PEBP4: variants seen among roughly 807,000 people sequenced by gnomAD.
PEBP4 encodes the protein phosphatidylethanolamine-binding protein 4.
Under a neutral mutation model 23.9 loss-of-function variants are expected in PEBP4, and 22 were observed. That is an observed-to-expected ratio of 0.92 (90% CI 0.66 to 1.31). PEBP4 has a LOEUF of 1.31. Ranked by LOEUF, PEBP4 falls within the 40% of genes most tolerant of loss-of-function variation. The probability of loss-of-function intolerance (pLI) is 0.00; values close to 1 mark genes in which losing one functional copy is unlikely to be tolerated. For missense variants in PEBP4, 324 were observed against 281.7 expected (o/e 1.15, Z -1.07); for synonymous variants, 112 against 99.3 (o/e 1.13, Z -0.76).
At chr8:22,818,804 T>C (rs890021365) in intron 3 of PEBP4, among the ~76,000 whole-genome samples, 6 of 151,780 alleles carry the variant, frequency 4.0e-5, no homozygotes, top group Non-Finnish European at 7.4e-5. Context: ...CAGAAACAAA[T>C]AGATGGGTTG....
chr8:22,868,823 C>CTCCT (rs538232759), intron 3 of PEBP4, among the ~76,000 whole-genome samples: 3,225 of 152,134 alleles, frequency 0.021, 60 homozygotes, highest in Admixed American at 0.034. Flanking sequence ...CACACTTAGC[C>CTCCT]TCCTTCCTTC....
chr8:22,816,371 C>A (rs1806740738), intron 4 of PEBP4, among the ~76,000 whole-genome samples: 1 of 152,202 alleles, frequency 6.6e-6, no homozygotes, highest in South Asian at 2.1e-4. Context: ...GGTCACTGGG[C>A]CACCAGCTGG....
At chr8:22,899,528 G>A (rs1808668927) in intron 3 of PEBP4, among the ~76,000 whole-genome samples, 1 of 152,178 alleles carries the variant, frequency 6.6e-6, no homozygotes. Context: ...TTCTTTAGGT[G>A]CACCCTGCTT....
Position 22,713,506 on chromosome 8 carries a change from CG to C in PEBP4, c.547del (p.Arg183ValfsTer14). ...TGCTTCAGGTTCGCCCAGGTGGAAACGGTTCAGAAATCTGTCCATTTTCCAA... is the reference window on the plus strand; with the variant it reads ...TGCTTCAGGTTCGCCCAGGTGGAAACGTTCAGAAATCTGTCCATTTTCCAA... ...GSWKMDRFLN[R>X]FHLGEPEAST... is the part of the protein sequence containing the mutation. On this transcript the variant is annotated frameshift_variant, in exon 7 of 7. Coordinates refer to ENST00000256404, the MANE Select transcript of PEBP4 (RefSeq NM_144962.3). LOFTEE classifies it low-confidence loss of function (END_TRUNC). The C allele has an allele frequency of 6.2e-7, 1 of 1,614,104 alleles. No individual in the cohort carries two copies. Among genetic ancestry groups the C allele is most frequent in the Non-Finnish European group, 8.5e-7 (1 of 1,180,010 alleles).
At position 22,750,030 on chromosome 8, in the gene PEBP4, TC is replaced by T. The variant is rs1347816269; in HGVS notation, c.358-22811del. Among the ~76,000 whole-genome samples, 3 of 152,016 alleles carry T rather than the reference TC, an allele frequency of 2.0e-5. No homozygotes were observed. In the East Asian group the frequency reaches 5.8e-4, roughly 29 times the overall value. ...CGTGTTGGTCAGGTTGGTCTCGAAC[TC>T]CCGACCTCATGTGATCCGCCTGCCT... is the stretch of plus-strand genomic sequence containing the variant. On this transcript the variant is annotated intron_variant, in intron 4 of 6. Coordinates refer to ENST00000256404, the MANE Select transcript of PEBP4 (RefSeq NM_144962.3).
Position 22,775,473 on chromosome 8 carries a change from G to A in PEBP4, c.357+42164C>T, listed in dbSNP as rs1805796458. Among the ~76,000 whole-genome samples the A allele has an allele frequency of 1.3e-5, 2 of 152,146 alleles. No individual in the cohort carries two copies. Among genetic ancestry groups the A allele is most frequent in the Non-Finnish European group, 2.9e-5 (2 of 68,014 alleles). On this transcript the variant is annotated intron_variant, in intron 4 of 6. Coordinates refer to ENST00000256404, the MANE Select transcript of PEBP4 (RefSeq NM_144962.3). This position sits in a 1 kb window ranked among gnomAD's most constrained non-coding sequence, Gnocchi z 4.8. ...GCAGGGGCCCGTGGGTGGTGTTCAC[G>A]TATGGAGGGGGGGGATTTCTTTTTA...
intron 3 of PEBP4, among the ~76,000 whole-genome samples, chr8:22,872,248 G>A (rs977808958): frequency 2.6e-5 from 4 of 152,168 alleles, no homozygotes; most frequent in African/African-American, 9.7e-5. Context: ...TTTGGACATG[G>A]GTCTTTTTAA....
chr8:22,931,097 A>C (rs1395510983), upstream of PEBP4, among the ~76,000 whole-genome samples: 1 of 151,926 alleles, frequency 6.6e-6, no homozygotes, highest in Non-Finnish European at 1.5e-5. Context: ...CCTAGGCCTC[A>C]CTTCATTTCT....
In PEBP4 at chr8:22,869,910, T is replaced by C. The variant is rs962944629; in HGVS notation, c.258+50274A>G. On this transcript the variant is annotated intron_variant, in intron 3 of 6. Coordinates refer to ENST00000256404, the MANE Select transcript of PEBP4 (RefSeq NM_144962.3). Reference sequence around the variant, plus strand: ...AATCCAGAACACTGACAACATCAAATGCTGATGACGATGTGGAGCCCTAGG... The same window carrying C: ...AATCCAGAACACTGACAACATCAAACGCTGATGACGATGTGGAGCCCTAGG... 1.1e-4 allele frequency among the ~76,000 whole-genome samples: 16 copies of C among 152,312 alleles called. No homozygotes were observed. In the South Asian group the frequency reaches 3.1e-3, roughly 30 times the overall value.
chr8:22,790,530 G>C (rs1402480284), intron 4 of PEBP4, among the ~76,000 whole-genome samples: 2 of 152,188 alleles, frequency 1.3e-5, no homozygotes, highest in Non-Finnish European at 1.5e-5. Flanking sequence ...CAGCTTAGCA[G>C]GGGCAGAAAA....
intron 4 of PEBP4, among the ~76,000 whole-genome samples, chr8:22,776,047 G>A (rs1014702731): frequency 2.6e-5 from 4 of 152,110 alleles, no homozygotes; most frequent in African/African-American, 9.7e-5. Flanking sequence ...GCCTGGGGCA[G>A]GCACCATTAC....
intron 2 of PEBP4, 126 bp downstream of exon 2, chr8:22,927,458 G>A (rs551857563): frequency 8.4e-6 from 10 of 1,184,416 alleles, no homozygotes; most frequent in East Asian, 7.7e-5. Flanking sequence ...GATCTGACAC[G>A]TGTTCTGCCT....
chr8:22,912,298 C>T (rs749660462), intron 3 of PEBP4, among the ~76,000 whole-genome samples: 1 of 152,232 alleles, frequency 6.6e-6, no homozygotes, highest in Admixed American at 6.5e-5. Flanking sequence ...AGATGCCCAT[C>T]ACAGGCAGGG....
At chr8:22,763,993 C>A (rs1035910717) in intron 4 of PEBP4, among the ~76,000 whole-genome samples, 1 of 152,194 alleles carries the variant, frequency 6.6e-6, no homozygotes, top group Admixed American at 6.5e-5. Context: ...GTCTTCGGAG[C>A]TTCTCTTCCC....
At chr8:22,764,003 C>G (rs1459502933) in intron 4 of PEBP4, among the ~76,000 whole-genome samples, 1 of 152,162 alleles carries the variant, frequency 6.6e-6, no homozygotes, top group East Asian at 1.9e-4. Flanking sequence ...CTTCTCTTCC[C>G]CAGGGGAAAC....
At chr8:22,792,278 G>A (rs1194494679) in intron 4 of PEBP4, among the ~76,000 whole-genome samples, 1 of 152,102 alleles carries the variant, frequency 6.6e-6, no homozygotes. Flanking sequence ...AGCCATTTGG[G>A]TGCAATATTC....
intron 4 of PEBP4, among the ~76,000 whole-genome samples, chr8:22,782,253 G>A (rs567276501): frequency 6.6e-6 from 1 of 152,174 alleles, no homozygotes; most frequent in Admixed American, 6.5e-5. Context: ...GTGATACAAG[G>A]TGCCTTACCA....
chr8:22,862,201 A>G (rs938328135), intron 3 of PEBP4, among the ~76,000 whole-genome samples: 27 of 152,216 alleles, frequency 1.8e-4, no homozygotes, highest in African/African-American at 6.0e-4. Context: ...TCCATCCTCA[A>G]TCTTCCCCTA....
intron 1 of PEBP4, among the ~76,000 whole-genome samples, chr8:22,939,720 A>G (rs1444425530): frequency 2.6e-5 from 4 of 151,900 alleles, no homozygotes; most frequent in African/African-American, 7.3e-5. Flanking sequence ...GATTTTCCCA[A>G]CAATTTTATT....
Sources: allele counts gnomAD v4.1 joint callset (sites outside exome capture counted in the v4.1 genomes callset), GRCh38; gene constraint gnomAD v4.1.1; non-coding constraint Gnocchi (gnomAD v3.1); transcripts MANE v1.5; gene names NCBI Gene and HGNC (gene_info 2026-07-23, HGNC 2026-07-21).